Variants in CTNNA1 observed in about 807,000 individuals in gnomAD.
CTNNA1 encodes the protein catenin alpha-1.
CTNNA1 carries 37 observed loss-of-function variants against 98.4 expected under a neutral mutation model. That is an observed-to-expected ratio of 0.38 (90% CI 0.29 to 0.49). CTNNA1 has a LOEUF of 0.49. CTNNA1 is among the 20% of genes least tolerant of loss of function. The pLI is 0.95. For missense variants in CTNNA1, 761 were observed against 1,147.2 expected (o/e 0.66, Z 4.86); for synonymous variants, 404 against 413.2 (o/e 0.98, Z 0.27).
chr5:138,793,917 G>C (rs577080671), intron 3 of CTNNA1, among the ~76,000 whole-genome samples: 1 of 152,034 alleles, frequency 6.6e-6, no homozygotes, highest in South Asian at 2.1e-4. Flanking sequence ...GGATGGGGAA[G>C]GGGGGGAAGT....
At chr5:138,807,008 C>CTTT (rs1321047490) in intron 3 of CTNNA1, among the ~76,000 whole-genome samples, 2,248 of 111,438 alleles carry the variant, frequency 0.02, 42 homozygotes, top group South Asian at 0.063. Context: ...AGATGTTGGA[C>CTTT]TTTTTTTTTT....
At chr5:138,903,647 G>A (rs150469671) in intron 9 of CTNNA1, among the ~76,000 whole-genome samples, 134 of 152,320 alleles carry the variant, frequency 8.8e-4, no homozygotes, top group African/African-American at 3.2e-3. Context: ...ATGGCTGGAC[G>A]GGAAGGTAAA....
chr5:138,893,539 AAT>A (rs1235671627), intron 9 of CTNNA1, among the ~76,000 whole-genome samples: 1 of 151,344 alleles, frequency 6.6e-6, no homozygotes, highest in African/African-American at 2.4e-5. Context: ...TTTAAAATAA[AAT>A]ATCTTTTCTC....
At chr5:138,776,753 C>T (rs1188952014) in intron 1 of CTNNA1, among the ~76,000 whole-genome samples, 3 of 148,782 alleles carry the variant, frequency 2.0e-5, no homozygotes, top group South Asian at 2.1e-4. Flanking sequence ...GGCGGCCGGG[C>T]AGAAGCGCCC....
intron 3 of CTNNA1, among the ~76,000 whole-genome samples, chr5:138,796,014 A>G (rs1248106634): frequency 6.6e-6 from 1 of 152,272 alleles, no homozygotes; most frequent in Middle Eastern, 3.4e-3. Context: ...TTTTCATTTA[A>G]TGGATCCTGA....
At chr5:138,912,359 A>G (rs1760836725) in intron 10 of CTNNA1, among the ~76,000 whole-genome samples, 1 of 152,120 alleles carries the variant, frequency 6.6e-6, no homozygotes, top group Non-Finnish European at 1.5e-5. Context: ...CTGAGCTTTG[A>G]GGAAATCCCA....
chr5:138,822,678 C>A (rs1418226537), intron 5 of CTNNA1, among the ~76,000 whole-genome samples: 1 of 152,170 alleles, frequency 6.6e-6, no homozygotes, highest in Non-Finnish European at 1.5e-5. Flanking sequence ...TTCTTTAAAT[C>A]TACAGGGTCC....
intron 3 of CTNNA1, among the ~76,000 whole-genome samples, chr5:138,787,652 A>G (rs1456329280): frequency 6.6e-6 from 1 of 152,134 alleles, no homozygotes; most frequent in East Asian, 1.9e-4. Flanking sequence ...TATTTATTAT[A>G]CTTTTGAGCC....
At chr5:138,857,856 A>T (rs1229660137) in intron 7 of CTNNA1, among the ~76,000 whole-genome samples, 2 of 152,244 alleles carry the variant, frequency 1.3e-5, no homozygotes, top group African/African-American at 4.8e-5. Flanking sequence ...TATTAGATTG[A>T]CAGTACCATA....
intron 4 of CTNNA1, 33 bp downstream of exon 4, chr5:138,810,237 C>G: frequency 6.3e-7 from 1 of 1,596,734 alleles, no homozygotes; most frequent in Non-Finnish European, 8.6e-7. Flanking sequence ...GTAATTTGTT[C>G]TATCACAGGA....
In CTNNA1 at chr5:138,812,373, T is replaced by C. The variant is rs1289239548; in HGVS notation, c.588+71T>C. 7 of 1,530,242 alleles carry C rather than the reference T, an allele frequency of 4.6e-6. No individual in the cohort carries two copies. In the East Asian group the frequency reaches 1.6e-4, roughly 35 times the overall value. 94.8% of individuals were successfully genotyped at this position (1,530,242 alleles called of 1,614,324 possible). ...TCTAGAGGGAAAAACTCATTCTGTG[T>C]GTTTTCTGAAAGTACCATTACTTAC... On this transcript the variant is annotated intron_variant, in intron 5 of 17. Transcript: ENST00000302763.
intron 7 of CTNNA1, among the ~76,000 whole-genome samples, chr5:138,846,364 G>A (rs992185988): frequency 3.9e-5 from 6 of 152,204 alleles, no homozygotes; most frequent in African/African-American, 1.2e-4. Flanking sequence ...CACTATCAAT[G>A]GGTGAATTTT....
At chr5:138,757,540 C>T (rs1192630005) in intron 1 of CTNNA1, among the ~76,000 whole-genome samples, 1 of 152,184 alleles carries the variant, frequency 6.6e-6, no homozygotes, top group Non-Finnish European at 1.5e-5. Context: ...CCCTTCTACT[C>T]TCCCAACATA....
chr5:138,759,685 A>G (rs190981545), intron 1 of CTNNA1, among the ~76,000 whole-genome samples: 1 of 152,274 alleles, frequency 6.6e-6, no homozygotes, highest in Non-Finnish European at 1.5e-5. Context: ...CTTATTACCC[A>G]TCCTGGTTCC....
At chr5:138,847,014 G>T (rs186931029) in intron 7 of CTNNA1, among the ~76,000 whole-genome samples, 2 of 152,228 alleles carry the variant, frequency 1.3e-5, no homozygotes, top group Non-Finnish European at 2.9e-5. Flanking sequence ...ATTATTATTT[G>T]CAGTCAGAGC....
chr5:138,757,823 A>G (rs1048310487), intron 1 of CTNNA1, among the ~76,000 whole-genome samples: 2 of 152,110 alleles, frequency 1.3e-5, no homozygotes, highest in African/African-American at 4.8e-5. Context: ...CCTGGAGTCT[A>G]GCTTGTGGAT....
intron 9 of CTNNA1, chr5:138,891,351 G>A (rs1313677427): frequency 6.6e-6 from 1 of 151,908 alleles, no homozygotes; most frequent in Non-Finnish European, 1.5e-5. Flanking sequence ...TATTTAACTG[G>A]TATGGTAGAT....
chr5:138,856,308 C>T (rs2149865141), intron 7 of CTNNA1, among the ~76,000 whole-genome samples: 1 of 152,214 alleles, frequency 6.6e-6, no homozygotes, highest in East Asian at 1.9e-4. Flanking sequence ...TTAACATTGT[C>T]ACTACACTGT....
intron 5 of CTNNA1, among the ~76,000 whole-genome samples, chr5:138,816,790 TC>T (rs1759475373): frequency 6.6e-6 from 1 of 152,104 alleles, no homozygotes; most frequent in Non-Finnish European, 1.5e-5. Flanking sequence ...AACCTCCACT[TC>T]CCAAGTTCAA....
Sources: gnomAD v4.1 joint callset for allele counts (sites outside exome capture counted in the v4.1 genomes callset) on GRCh38, gnomAD v4.1.1 for gene constraint, MANE v1.5 for transcripts, NCBI Gene and HGNC (gene_info 2026-07-23, HGNC 2026-07-21) for gene names.